The following CREB5 variants were observed in gnomAD, a reference collection of about 807,000 sequenced individuals.
CREB5 encodes the protein cyclic AMP-responsive element-binding protein 5.
A neutral mutation model predicts 57.1 loss-of-function variants in CREB5; 19 were observed. That is an observed-to-expected ratio of 0.33 (90% confidence interval 0.23 to 0.49). The LOEUF (loss-of-function observed/expected upper bound fraction) is 0.49. CREB5 is among the 20% of genes least tolerant of loss of function. The pLI is 0.99. For missense variants in CREB5, 579 were observed against 671.6 expected (o/e 0.86, Z 1.52); for synonymous variants, 238 against 238.3 (o/e 1.00, Z 0.01).
chr7:28,659,939 A>C (rs1266364211), intron 5 of CREB5, among the ~76,000 whole-genome samples: 1 of 152,224 alleles, frequency 6.6e-6, no homozygotes, highest in African/African-American at 2.4e-5. Context: ...ACAGTAGAGA[A>C]AAGTTAAAGG....
At chr7:28,600,558 C>T (rs1012540643) in intron 5 of CREB5, among the ~76,000 whole-genome samples, 4 of 152,080 alleles carry the variant, frequency 2.6e-5, no homozygotes, top group African/African-American at 2.4e-5. Context: ...CTGGCTAATG[C>T]GCTATTCATG....
At chr7:28,808,668 A>G (rs1397829476) in intron 8 of CREB5, among the ~76,000 whole-genome samples, 1 of 145,808 alleles carries the variant, frequency 6.9e-6, no homozygotes, top group East Asian at 2.1e-4. Context: ...CCTCCTGAGT[A>G]GCTAGGACTA....
rs573618163 is a variant in CREB5, at chr7:28,507,531, G to T, written c.170-85G>T. ...GTGGACATTTTAATTAAGGCAAGGG[G>T]AGGGGATTAGTGAATCTAGCTCATG... On this transcript the variant is annotated intron_variant, in intron 3 of 10. Coordinates refer to ENST00000357727, the MANE Select transcript of CREB5 (RefSeq NM_182898.4). The T allele has an allele frequency of 2.2e-4, 326 of 1,469,334 alleles. 1 individual carries two copies. The South Asian group carries it at 4.2e-3, about 19-fold the overall frequency. The allele number at this position is 1,469,334 out of a possible 1,614,324, so 91.0% of individuals were successfully genotyped here.
chr7:28,496,943 C>A (rs1792083578), intron 3 of CREB5, among the ~76,000 whole-genome samples: 1 of 152,066 alleles, frequency 6.6e-6, no homozygotes, highest in Non-Finnish European at 1.5e-5. Flanking sequence ...GTTTTGTATC[C>A]GTTATGTTCT....
At chr7:28,330,084 G>T (rs892832116) in intron 1 of CREB5, among the ~76,000 whole-genome samples, 1 of 152,202 alleles carries the variant, frequency 6.6e-6, no homozygotes, top group Non-Finnish European at 1.5e-5. Context: ...CGTGGCCCAA[G>T]ATGCCCTTGC....
At chr7:28,588,373 G>A (rs1229021761) in intron 5 of CREB5, among the ~76,000 whole-genome samples, 2 of 152,172 alleles carry the variant, frequency 1.3e-5, no homozygotes, top group African/African-American at 4.8e-5. Context: ...CTGTAAAGCA[G>A]AAATTGTGCT....
At chr7:28,401,681 C>T (rs1040429805) in intron 1 of CREB5, among the ~76,000 whole-genome samples, 4 of 152,016 alleles carry the variant, frequency 2.6e-5, no homozygotes, top group Admixed American at 6.5e-5. Context: ...TCTGTCCTTG[C>T]GATAGTTTGC....
At chr7:28,596,670 A>G (rs1324988467) in intron 5 of CREB5, among the ~76,000 whole-genome samples, 1 of 152,176 alleles carries the variant, frequency 6.6e-6, no homozygotes, top group Non-Finnish European at 1.5e-5. Flanking sequence ...GTTAACTGCT[A>G]TGTGACCTTG....
intron 1 of CREB5, among the ~76,000 whole-genome samples, chr7:28,482,598 C>G (rs372828919): frequency 1.3e-5 from 2 of 152,148 alleles, no homozygotes; most frequent in African/African-American, 2.4e-5. Context: ...CTCATAAGCT[C>G]AACAAAGCAG....
chr7:28,561,027 T>TGTGTGC (rs1795249573), intron 4 of CREB5, among the ~76,000 whole-genome samples: 1 of 70,492 alleles, frequency 1.4e-5, no homozygotes, highest in African/African-American at 7.2e-5. Context: ...CGTGTGTGCG[T>TGTGTGC]GTGTGTGTGT....
At chr7:28,307,235 A>C (rs1785207624) in intron 1 of CREB5, among the ~76,000 whole-genome samples, 1 of 152,136 alleles carries the variant, frequency 6.6e-6, no homozygotes, top group Non-Finnish European at 1.5e-5. Flanking sequence ...TTCAAGCTGA[A>C]TCTTAATACC....
In CREB5 at chr7:28,825,022, T is replaced by C. The variant is rs1466187255; in HGVS notation, c.*5743T>C. On this transcript the variant is annotated 3_prime_UTR_variant, in exon 11 of 11. Transcript: ENST00000357727. ...CTTCATATTATAGAACTTTATAGGA[T>C]TGGATATTTTACAATAGAATAATTT... 3 of 152,748 alleles carry C rather than the reference T, an allele frequency of 2.0e-5. No individual in the cohort carries two copies. Among genetic ancestry groups the C allele is most frequent in the Non-Finnish European group, 2.9e-5 (2 of 68,030 alleles). The allele number at this position is 152,748 out of a possible 1,614,324, so 9.5% of individuals were successfully genotyped here.
chr7:28,729,240 G>C (rs1247440112), intron 7 of CREB5, among the ~76,000 whole-genome samples: 1 of 152,152 alleles, frequency 6.6e-6, no homozygotes, highest in East Asian at 1.9e-4. Flanking sequence ...GCCCACTAAA[G>C]ATTTAGGGAG....
At chr7:28,556,847 G>A (rs1354167986) in intron 4 of CREB5, among the ~76,000 whole-genome samples, 1 of 152,170 alleles carries the variant, frequency 6.6e-6, no homozygotes, top group Non-Finnish European at 1.5e-5. Flanking sequence ...GAGACACTGG[G>A]CATCTATTCT....
chr7:28,728,013 A>G (rs1459461192), intron 7 of CREB5, among the ~76,000 whole-genome samples: 1 of 151,996 alleles, frequency 6.6e-6, no homozygotes, highest in Non-Finnish European at 1.5e-5. Flanking sequence ...TGGCATGACT[A>G]TGGCTCACTG....
intron 1 of CREB5, among the ~76,000 whole-genome samples, chr7:28,463,337 G>A (rs1790429334): frequency 6.6e-6 from 1 of 152,086 alleles, no homozygotes; most frequent in African/African-American, 2.4e-5. Flanking sequence ...CTGTTGCTCT[G>A]TAATGAATTT....
chr7:28,381,482 C>CTACA (rs1180408563), intron 1 of CREB5, among the ~76,000 whole-genome samples: 1 of 152,188 alleles, frequency 6.6e-6, no homozygotes, highest in Non-Finnish European at 1.5e-5. Context: ...AGCTTTCGGA[C>CTACA]TTTGATTTCT....
chr7:28,356,448 C>T (rs10239606), intron 1 of CREB5, among the ~76,000 whole-genome samples: 50,843 of 152,086 alleles, frequency 0.33, 8,668 homozygotes, highest in Non-Finnish European at 0.35. Context: ...TCTGAATGCA[C>T]TTAACTAGAG....
chr7:28,560,897 C>CGTGCGTGTGCGTGCGTGCGT (rs1554344444), intron 4 of CREB5, among the ~76,000 whole-genome samples: 4 of 22,548 alleles, frequency 1.8e-4, no homozygotes, highest in South Asian at 2.3e-3. Context: ...CGTGTGTGTG[C>CGTGCGTGTGCGTGCGTGCGT]GTGCGCGCGT....
Sources: allele counts gnomAD v4.1 joint callset (sites outside exome capture counted in the v4.1 genomes callset), GRCh38; gene constraint gnomAD v4.1.1; transcripts MANE v1.5; gene names NCBI Gene and HGNC (gene_info 2026-07-23, HGNC 2026-07-21).